Variants in ANO10 observed in about 807,000 individuals in gnomAD.
The protein encoded by ANO10 is anoctamin-10.
A neutral mutation model predicts 74.7 loss-of-function variants in ANO10; 77 were observed. The ratio of observed to expected loss-of-function variants is 1.03; its 90% confidence interval spans 0.86 to 1.25. The LOEUF (loss-of-function observed/expected upper bound fraction) is 1.25. Among genes scored for constraint, ANO10 ranks in the 50% most tolerant of loss-of-function variants. The probability of loss-of-function intolerance (pLI) is 0.00; values close to 1 mark genes in which losing one functional copy is unlikely to be tolerated. For missense variants in ANO10, 721 were observed against 778.1 expected (o/e 0.93, Z 0.87); for synonymous variants, 279 against 284.9 (o/e 0.98, Z 0.21).
intron 1 of ANO10, among the ~76,000 whole-genome samples, chr3:43,648,455 C>A (rs768899498): frequency 6.6e-6 from 1 of 151,980 alleles, no homozygotes; most frequent in African/African-American, 2.4e-5. Context: ...ACAGAGTAGC[C>A]CCAAGGGCTG....
intron 4 of ANO10, among the ~76,000 whole-genome samples, chr3:43,597,814 G>A (rs2082162341): frequency 6.6e-6 from 1 of 151,922 alleles, no homozygotes; most frequent in Non-Finnish European, 1.5e-5. Context: ...AGCTACTGGG[G>A]AGGCTAAGGC....
intron 11 of ANO10, among the ~76,000 whole-genome samples, chr3:43,450,637 A>T (rs1182232883): frequency 6.6e-6 from 1 of 152,228 alleles, no homozygotes; most frequent in East Asian, 1.9e-4. Flanking sequence ...ATATGTCAAT[A>T]ACTGTCATTT....
chr3:43,565,522 T>G, intron 8 of ANO10, 131 bp downstream of exon 8: 3 of 811,800 alleles, frequency 3.7e-6, no homozygotes, highest in Admixed American at 5.7e-5. Context: ...TATTTAGAAT[T>G]TGGCTTAAAA....
At chr3:43,580,593 G>A in intron 4 of ANO10, 121 bp from the exon 5 acceptor site, 1 of 1,177,940 alleles carries the variant, frequency 8.5e-7, no homozygotes, top group South Asian at 1.3e-5. Context: ...ATGTCATACT[G>A]CCTACTCCAA....
At chr3:43,521,577 A>T (rs2077959188) in intron 11 of ANO10, among the ~76,000 whole-genome samples, 1 of 152,218 alleles carries the variant, frequency 6.6e-6, no homozygotes, top group South Asian at 2.1e-4. Flanking sequence ...GGAAATGCAA[A>T]TCAAAACCAC....
chr3:43,369,064 G>A (rs1013850054), intron 12 of ANO10, among the ~76,000 whole-genome samples: 2 of 20,908 alleles, frequency 9.6e-5, no homozygotes, highest in African/African-American at 1.1e-4. Flanking sequence ...CAGTAGCCAG[G>A]GTGGATGGGC....
chr3:43,560,601 T>C (rs147634561), intron 9 of ANO10, among the ~76,000 whole-genome samples: 152 of 152,242 alleles, frequency 1.0e-3, no homozygotes, highest in Non-Finnish European at 1.6e-3. Flanking sequence ...ATGTGAAATA[T>C]AGAAACAGTG....
chr3:43,382,210 A>T (rs1427486000), intron 12 of ANO10, among the ~76,000 whole-genome samples: 2 of 152,152 alleles, frequency 1.3e-5, no homozygotes, highest in Non-Finnish European at 2.9e-5. Flanking sequence ...ACCCAAACCC[A>T]ACAGAAGAAA....
At chr3:43,422,871 G>C (rs933602512) in intron 12 of ANO10, among the ~76,000 whole-genome samples, 3 of 152,148 alleles carry the variant, frequency 2.0e-5, no homozygotes, top group Admixed American at 6.5e-5. Context: ...TTATTTTACT[G>C]TCTGGATGCC....
intron 10 of ANO10, chr3:43,551,594 T>G: frequency 4.4e-6 from 2 of 456,776 alleles, no homozygotes; most frequent in Non-Finnish European, 8.8e-6. Context: ...ATGATCTGCT[T>G]TTTGTCAATA....
intron 1 of ANO10, among the ~76,000 whole-genome samples, chr3:43,689,772 GGA>G (rs960002389): frequency 5.5e-4 from 84 of 152,322 alleles, no homozygotes; most frequent in African/African-American, 1.9e-3. Flanking sequence ...AAAAGAGGGA[GGA>G]GAGTCAGGGA....
At chr3:43,487,405 T>C (rs2076538148) in intron 11 of ANO10, among the ~76,000 whole-genome samples, 1 of 152,154 alleles carries the variant, frequency 6.6e-6, no homozygotes, top group African/African-American at 2.4e-5. Flanking sequence ...GTACTTCTGG[T>C]AGAATTCAGC....
intron 11 of ANO10, among the ~76,000 whole-genome samples, chr3:43,471,862 C>A (rs763499807): frequency 3.3e-5 from 5 of 152,130 alleles, no homozygotes; most frequent in African/African-American, 1.2e-4. Flanking sequence ...GGCAAGCTGA[C>A]CTTGCCTCTT....
intron 11 of ANO10, among the ~76,000 whole-genome samples, chr3:43,486,219 T>C (rs1228628986): frequency 6.6e-6 from 1 of 152,246 alleles, no homozygotes; most frequent in African/African-American, 2.4e-5. Flanking sequence ...AGGCTTCATG[T>C]ACATAACAAG....
intron 11 of ANO10, among the ~76,000 whole-genome samples, chr3:43,543,664 G>T (rs957510223): frequency 6.6e-6 from 1 of 152,250 alleles, no homozygotes; most frequent in South Asian, 2.1e-4. Flanking sequence ...TAGGATTACA[G>T]GCGTGAGCTA....
chr3:43,565,010 A>G (rs1251520207), intron 8 of ANO10, among the ~76,000 whole-genome samples: 1 of 152,234 alleles, frequency 6.6e-6, no homozygotes, highest in Non-Finnish European at 1.5e-5. Flanking sequence ...AACTTTCTCT[A>G]TTTTGAAAAA....
At chr3:43,437,004 T>C (rs1278512105) in intron 11 of ANO10, among the ~76,000 whole-genome samples, 1 of 152,190 alleles carries the variant, frequency 6.6e-6, no homozygotes, top group Non-Finnish European at 1.5e-5. Flanking sequence ...CTGAAAAAGG[T>C]ATCCTCTGCT....
intron 11 of ANO10, among the ~76,000 whole-genome samples, chr3:43,492,340 G>C (rs1024137838): frequency 6.6e-6 from 1 of 152,116 alleles, no homozygotes; most frequent in Non-Finnish European, 1.5e-5. Context: ...AAAAATCCTA[G>C]AAGAAAACCT....
At chr3:43,647,660 C>G (rs56318617) in intron 1 of ANO10, among the ~76,000 whole-genome samples, 20,524 of 152,126 alleles carry the variant, frequency 0.13, 2,973 homozygotes, top group African/African-American at 0.36. Context: ...CATCATATTA[C>G]ACTACTCTGT....
Sources: allele counts gnomAD v4.1 joint callset (sites outside exome capture counted in the v4.1 genomes callset), GRCh38; gene constraint gnomAD v4.1.1; transcripts MANE v1.5; gene names NCBI Gene and HGNC (gene_info 2026-07-23, HGNC 2026-07-21).